The following RBFOX1 variants were observed in gnomAD, a reference collection of about 807,000 sequenced individuals.
RBFOX1 encodes the protein RNA binding fox-1 homolog 1.
In RBFOX1, 8 loss-of-function variants were observed where a neutral mutation model predicts 57.7. The observed-to-expected ratio is 0.14, with a 90% CI of 0.08 to 0.25. RBFOX1 has a LOEUF of 0.25. Ranked by LOEUF, RBFOX1 falls within the 10% of genes least tolerant of loss-of-function variation. The pLI is 1.00. For synonymous variants in RBFOX1, 326 were observed against 222.4 expected (o/e 1.47, Z -4.15); for missense variants, 611 against 548.5 (o/e 1.11, Z -1.14).
At chr16:7,253,404 T>A (rs1198137955) in intron 4 of RBFOX1, among the ~76,000 whole-genome samples, 1 of 152,196 alleles carries the variant, frequency 6.6e-6, no homozygotes, top group Non-Finnish European at 1.5e-5. Flanking sequence ...TTCTCCGGCT[T>A]GACAACCCCT....
intron 5 of RBFOX1, among the ~76,000 whole-genome samples, chr16:7,572,826 G>C (rs1173608885): frequency 1.1e-5 from 1 of 90,108 alleles, no homozygotes. Context: ...GCAACAGAGT[G>C]AGAGTCTCTC....
At chr16:6,794,918 A>G (rs1181522683) in intron 3 of RBFOX1, among the ~76,000 whole-genome samples, 2 of 152,144 alleles carry the variant, frequency 1.3e-5, no homozygotes, top group African/African-American at 2.4e-5. Context: ...CATTTCACAG[A>G]TGAGCAAACT....
At chr16:6,251,053 T>C (rs1191453342) in intron 1 of RBFOX1, among the ~76,000 whole-genome samples, 1 of 152,106 alleles carries the variant, frequency 6.6e-6, no homozygotes, top group Non-Finnish European at 1.5e-5. Flanking sequence ...GCGGTGAAGT[T>C]TGCAAACAGC....
chr16:5,622,672 C>G (rs1416082838), intron 3 of RBFOX1, among the ~76,000 whole-genome samples: 4 of 152,306 alleles, frequency 2.6e-5, no homozygotes, highest in Non-Finnish European at 4.4e-5. Flanking sequence ...CACAGCCACA[C>G]CTGTTCATTT....
chr16:7,581,655 C>G (rs2093772911), intron 6 of RBFOX1, among the ~76,000 whole-genome samples: 1 of 152,070 alleles, frequency 6.6e-6, no homozygotes, highest in South Asian at 2.1e-4. Context: ...CGGCAAGGAG[C>G]AAGATCTTGC....
At chr16:7,286,745 T>A (rs1340944581) in intron 4 of RBFOX1, among the ~76,000 whole-genome samples, 1 of 149,518 alleles carries the variant, frequency 6.7e-6, no homozygotes, top group South Asian at 2.2e-4. Flanking sequence ...CGCCTCAGCC[T>A]CCCGAGTAGC....
At chr16:5,454,075 C>A (rs754745542) in intron 1 of RBFOX1, among the ~76,000 whole-genome samples, 151 of 152,290 alleles carry the variant, frequency 9.9e-4, no homozygotes, top group Middle Eastern at 6.8e-3. Context: ...GTGGCTGAGG[C>A]CAAATCGTGC....
Position 6,550,042 on chromosome 16 carries a change from C to G in RBFOX1, c.-63-104561C>G, listed in dbSNP as rs148145395. On this transcript the variant is annotated intron_variant, in intron 2 of 15. Coordinates refer to ENST00000550418, the MANE Select transcript of RBFOX1 (RefSeq NM_018723.4). ...TTCAAATCCACCCAAGAAGTGGACACCATTCCATACTTTATGACTGAATCT... is the reference window on the plus strand; with the variant it reads ...TTCAAATCCACCCAAGAAGTGGACAGCATTCCATACTTTATGACTGAATCT... Among the ~76,000 whole-genome samples, 599 of 152,290 alleles carry G rather than the reference C, an allele frequency of 3.9e-3. 1 individual carries two copies. The highest frequency in any genetic ancestry group is 0.014 in the African/African-American group (573 of 41,552).
chr16:5,313,729 A>G (rs972338622), intron 1 of RBFOX1, among the ~76,000 whole-genome samples: 1 of 152,180 alleles, frequency 6.6e-6, no homozygotes, highest in Non-Finnish European at 1.5e-5. Flanking sequence ...AGACTTATTC[A>G]CTATTGCGAG....
At chr16:6,449,046 A>C (rs184376007) in intron 2 of RBFOX1, among the ~76,000 whole-genome samples, 1 of 152,178 alleles carries the variant, frequency 6.6e-6, no homozygotes, top group African/African-American at 2.4e-5. Flanking sequence ...AAAGACATAA[A>C]GTCCTATATT....
intron 14 of RBFOX1, among the ~76,000 whole-genome samples, chr16:7,704,550 C>G (rs564592029): frequency 6.6e-6 from 1 of 152,312 alleles, no homozygotes; most frequent in African/African-American, 2.4e-5. Flanking sequence ...TCTCTTTACT[C>G]CTTTGTCTTG....
intron 4 of RBFOX1, among the ~76,000 whole-genome samples, chr16:7,332,020 G>A (rs1473184410): frequency 6.6e-6 from 1 of 152,016 alleles, no homozygotes; most frequent in Admixed American, 6.6e-5. Context: ...TTAATGTATT[G>A]CATATTAATA....
At chr16:6,533,649 A>G (rs887929684) in intron 2 of RBFOX1, among the ~76,000 whole-genome samples, 1 of 152,188 alleles carries the variant, frequency 6.6e-6, no homozygotes, top group Non-Finnish European at 1.5e-5. Context: ...CTTTTCAACA[A>G]ATAATCCTGG....
intron 1 of RBFOX1, among the ~76,000 whole-genome samples, chr16:5,433,611 C>G (rs987404029): frequency 1.3e-5 from 2 of 152,190 alleles, no homozygotes; most frequent in African/African-American, 4.8e-5. Flanking sequence ...TATTTTATCC[C>G]AATTACAAAA....
intron 2 of RBFOX1, among the ~76,000 whole-genome samples, chr16:6,492,568 C>G (rs2095657467): frequency 6.7e-6 from 1 of 150,194 alleles, no homozygotes; most frequent in African/African-American, 2.4e-5. Flanking sequence ...GACTCCATCT[C>G]AAAAATAAAT....
Position 5,818,114 on chromosome 16 carries a change from A to G in RBFOX1, c.319-49189A>G, listed in dbSNP as rs537537814. On this transcript the variant is annotated intron_variant, in intron 3 of 19. Transcript: ENST00000641259. Reference sequence around the variant, plus strand: ...TAACTTTATCCCCATTCTGATCACTAGTAATGATACTTCATTAGATCATCA... The same window carrying G: ...TAACTTTATCCCCATTCTGATCACTGGTAATGATACTTCATTAGATCATCA... 7.6e-4 allele frequency among the ~76,000 whole-genome samples: 116 copies of G among 152,316 alleles called. 1 individual carries two copies. The highest frequency in any genetic ancestry group is 2.6e-3 in the African/African-American group (109 of 41,574).
intron 9 of RBFOX1, among the ~76,000 whole-genome samples, chr16:7,605,850 A>T (rs368145094): frequency 6.6e-5 from 10 of 152,108 alleles, no homozygotes; most frequent in African/African-American, 1.4e-4. Flanking sequence ...GGTTTTTTTT[A>T]CTTCTTGAGA....
At chr16:7,119,840 T>G (rs948142718) in intron 4 of RBFOX1, among the ~76,000 whole-genome samples, 4 of 152,202 alleles carry the variant, frequency 2.6e-5, no homozygotes, top group Admixed American at 2.0e-4. Flanking sequence ...AACAACACCA[T>G]CAGCCAACAA....
At chr16:5,480,200 C>G (rs1045145884) in intron 2 of RBFOX1, among the ~76,000 whole-genome samples, 4 of 152,166 alleles carry the variant, frequency 2.6e-5, no homozygotes, top group African/African-American at 9.7e-5. Context: ...GAAATCCCTG[C>G]TGTGCTCTGT....
Sources: gnomAD v4.1 joint callset for allele counts (sites outside exome capture counted in the v4.1 genomes callset) on GRCh38, gnomAD v4.1.1 for gene constraint, MANE v1.5 for transcripts, NCBI Gene and HGNC (gene_info 2026-07-23, HGNC 2026-07-21) for gene names.